BTBD9: variants seen among roughly 807,000 people sequenced by gnomAD.
BTBD9 encodes the protein BTB domain containing 9.
BTBD9 carries 49 observed loss-of-function variants against 64.3 expected under a neutral mutation model. That is an observed-to-expected ratio of 0.76 (90% confidence interval 0.61 to 0.97). The LOEUF is 0.97. Ranked by LOEUF, BTBD9 falls within the 50% of genes least tolerant of loss-of-function variation. The pLI is 0.00. For synonymous variants in BTBD9, 260 were observed against 274.7 expected, an observed-to-expected ratio of 0.95 and a Z score of 0.53; for missense variants, 598 against 762.1, an observed-to-expected ratio of 0.78 and a Z score of 2.53.
intron 7 of BTBD9, among the ~76,000 whole-genome samples, chr6:38,328,734 T>C (rs1008474857): frequency 1.3e-5 from 2 of 151,862 alleles, no homozygotes; most frequent in East Asian, 1.9e-4. Context: ...GATCCCGAGG[T>C]CACGAGATCG....
chr6:38,276,170 T>TA (rs1761233776), intron 8 of BTBD9, among the ~76,000 whole-genome samples: 1 of 152,086 alleles, frequency 6.6e-6, no homozygotes, highest in Middle Eastern at 3.2e-3. Flanking sequence ...TATGCAGCCA[T>TA]AAAAAATGAT....
chr6:38,608,181 A>T (rs1299383928), intron 1 of BTBD9, among the ~76,000 whole-genome samples: 1 of 152,182 alleles, frequency 6.6e-6, no homozygotes, highest in Non-Finnish European at 1.5e-5. Flanking sequence ...ACTTTTAGGA[A>T]TGACAAGTCA....
intron 7 of BTBD9, among the ~76,000 whole-genome samples, chr6:38,304,490 G>A (rs932269632): frequency 9.9e-5 from 15 of 151,870 alleles, no homozygotes; most frequent in African/African-American, 3.6e-4. Context: ...AAGTTGCAAT[G>A]GGCTGAGACC....
At chr6:38,578,481 C>T (rs957441896) in intron 5 of BTBD9, among the ~76,000 whole-genome samples, 11 of 152,144 alleles carry the variant, frequency 7.2e-5, no homozygotes, top group Admixed American at 2.6e-4. Flanking sequence ...ATTACTTGTA[C>T]TGTAATATCA....
At chr6:38,203,246 C>G (rs1185234353) in intron 9 of BTBD9, among the ~76,000 whole-genome samples, 1 of 151,988 alleles carries the variant, frequency 6.6e-6, no homozygotes, top group Non-Finnish European at 1.5e-5. Flanking sequence ...GTACAGAAAC[C>G]ATGGAAAACA....
intron 9 of BTBD9, among the ~76,000 whole-genome samples, chr6:38,243,922 G>T (rs558126354): frequency 1.3e-5 from 2 of 152,242 alleles, no homozygotes; most frequent in African/African-American, 4.8e-5. Flanking sequence ...GAGCCTCTTA[G>T]TTCTCTGGGA....
intron 10 of BTBD9, among the ~76,000 whole-genome samples, chr6:38,185,475 G>A (rs1384610103): frequency 6.6e-6 from 1 of 152,158 alleles, no homozygotes; most frequent in Admixed American, 6.5e-5. Context: ...TGTGGGAGAC[G>A]CAGTGGCCTC....
At chr6:38,563,046 T>G (rs1775323483) in intron 6 of BTBD9, among the ~76,000 whole-genome samples, 1 of 152,210 alleles carries the variant, frequency 6.6e-6, no homozygotes, top group African/African-American at 2.4e-5. Context: ...TCCCTCTTTC[T>G]TGAAGCCACA....
In BTBD9 at chr6:38,349,042, G is replaced by A. The variant is rs549511229; in HGVS notation, c.1155-3949C>T. ...CCCACCTCAGCCTCCCAAGTAGCTG[G>A]GACTACAGGCATGCACCACCATGCC... On this transcript the variant is annotated intron_variant, in intron 6 of 10. Coordinates refer to ENST00000481247, the MANE Select transcript of BTBD9 (RefSeq NM_001099272.2). 8.8e-4 allele frequency among the ~76,000 whole-genome samples: 134 copies of A among 152,176 alleles called. 1 individual carries two copies. The Middle Eastern group carries it at 0.01, about 12-fold the overall frequency.
At chr6:38,281,265 TAGC>T (rs1761506602) in intron 8 of BTBD9, among the ~76,000 whole-genome samples, 1 of 152,016 alleles carries the variant, frequency 6.6e-6, no homozygotes, top group Non-Finnish European at 1.5e-5. Flanking sequence ...GAAGAAAAAA[TAGC>T]AGTCTAAAGG....
Position 38,254,158 on chromosome 6 carries a change from GAAC to G in BTBD9, c.1562+2248_1562+2250del, listed in dbSNP as rs1261230637. On this transcript the variant is annotated intron_variant, in intron 9 of 10. Coordinates refer to ENST00000481247, the MANE Select transcript of BTBD9 (RefSeq NM_001099272.2). ...GATGCTGAGGAGGACCTAGATGGCAGAACAACAAGAAAGAAGCTGCCTCGGTTC... is the reference window on the plus strand; with the variant it reads ...GATGCTGAGGAGGACCTAGATGGCAGAACAAGAAAGAAGCTGCCTCGGTTC... Among the ~76,000 whole-genome samples the G allele has an allele frequency of 2.0e-5, 3 of 151,440 alleles. No individual in the cohort carries two copies. The East Asian group carries it at 5.8e-4, about 29-fold the overall frequency.
chr6:38,183,224 G>T (rs770430055), intron 10 of BTBD9, among the ~76,000 whole-genome samples: 1 of 152,126 alleles, frequency 6.6e-6, no homozygotes, highest in East Asian at 1.9e-4. Context: ...TGATCTGCCC[G>T]CCTCGGCCTC....
At chr6:38,577,232 A>G (rs1020562681) in intron 6 of BTBD9, among the ~76,000 whole-genome samples, 1 of 152,228 alleles carries the variant, frequency 6.6e-6, no homozygotes, top group Admixed American at 6.5e-5. Flanking sequence ...CATGGCTTTC[A>G]TAAGAAGAAT....
intron 8 of BTBD9, among the ~76,000 whole-genome samples, chr6:38,283,100 T>C (rs1430858878): frequency 6.6e-6 from 1 of 151,976 alleles, no homozygotes; most frequent in Non-Finnish European, 1.5e-5. Context: ...ATGTTTGGAG[T>C]CTACCCTTTC....
At chr6:38,317,179 T>A (rs1445208396) in intron 7 of BTBD9, among the ~76,000 whole-genome samples, 1 of 152,006 alleles carries the variant, frequency 6.6e-6, no homozygotes, top group Non-Finnish European at 1.5e-5. Context: ...GTATTTTTAG[T>A]AGAGACAGGG....
chr6:38,597,197 T>G (rs534885486), intron 2 of BTBD9, among the ~76,000 whole-genome samples: 26 of 152,198 alleles, frequency 1.7e-4, no homozygotes, highest in Non-Finnish European at 3.2e-4. Flanking sequence ...ACTGCAGTTA[T>G]CACTACAAGG....
rs116189799 is a variant in BTBD9, at chr6:38,502,665, G to A, written c.1154+74935C>T. Among the ~76,000 whole-genome samples, 989 of 152,296 alleles carry A rather than the reference G, an allele frequency of 6.5e-3. 7 individuals carry two copies. Among genetic ancestry groups the A allele is most frequent in the African/African-American group, 0.022 (925 of 41,570 alleles). On this transcript the variant is annotated intron_variant, in intron 6 of 10. Coordinates refer to ENST00000481247, the MANE Select transcript of BTBD9 (RefSeq NM_001099272.2). ...TCTTCTGCGCAGGTCTTACTCTTGC[G>A]TAACACAGAAATAGGATGGCTTATC...
chr6:38,216,005 T>A (rs1762998199), intron 9 of BTBD9, among the ~76,000 whole-genome samples: 1 of 152,194 alleles, frequency 6.6e-6, no homozygotes, highest in African/African-American at 2.4e-5. Context: ...AATTTTCGGG[T>A]TCTGAGGAGG....
rs550861632 is a variant in BTBD9 at position 38,586,151 on chromosome 6, T to G, written c.815-5714A>C. 1.8e-4 allele frequency among the ~76,000 whole-genome samples: 28 copies of G among 152,120 alleles called. 1 individual carries two copies. The South Asian group carries it at 5.8e-3, about 32-fold the overall frequency. On this transcript the variant is annotated intron_variant, in intron 4 of 10. Transcript: ENST00000481247. ...AATCTAAAACCTGAGATATACAAAATGAAATATAACTCAGCCTTAACAAAA... is the reference window on the plus strand; with the variant it reads ...AATCTAAAACCTGAGATATACAAAAGGAAATATAACTCAGCCTTAACAAAA...
Sources: allele counts gnomAD v4.1 joint callset (sites outside exome capture counted in the v4.1 genomes callset), GRCh38; gene constraint gnomAD v4.1.1; transcripts MANE v1.5; gene names NCBI Gene and HGNC (gene_info 2026-07-23, HGNC 2026-07-21).